The following CALCR variants were observed in gnomAD, a reference collection of about 807,000 sequenced individuals.
CALCR encodes calcitonin receptor.
A neutral mutation model predicts 59.5 loss-of-function variants in CALCR; 47 were observed. That is an observed-to-expected ratio of 0.79 (90% CI 0.63 to 1.01). The LOEUF is 1.01. Ranked by LOEUF, CALCR falls within the 50% of genes least tolerant of loss-of-function variation. CALCR has a pLI of 0.00. For missense variants in CALCR, 566 were observed against 597.1 expected (o/e 0.95, Z 0.54); for synonymous variants, 213 against 211.3 (o/e 1.01, Z -0.07).
At chr7:93,467,660 TC>T (rs1800468240) in intron 7 of CALCR, among the ~76,000 whole-genome samples, 1 of 151,592 alleles carries the variant, frequency 6.6e-6, no homozygotes, top group Non-Finnish European at 1.5e-5. Flanking sequence ...TATATTCTTC[TC>T]CCCCCTCATT....
At chr7:93,430,675 A>C (rs1799640314) in intron 13 of CALCR, among the ~76,000 whole-genome samples, 1 of 152,194 alleles carries the variant, frequency 6.6e-6, no homozygotes, top group Admixed American at 6.5e-5. Context: ...TGTCTAGAAT[A>C]GTGGTTCTTA....
chr7:93,562,140 T>C (rs527525665), intron 2 of CALCR, among the ~76,000 whole-genome samples: 1 of 151,818 alleles, frequency 6.6e-6, no homozygotes, highest in African/African-American at 2.4e-5. Context: ...TTATTAGTAA[T>C]AATAGTAATT....
intron 2 of CALCR, among the ~76,000 whole-genome samples, chr7:93,528,267 T>C (rs1245827775): frequency 2.0e-5 from 3 of 152,198 alleles, no homozygotes; most frequent in Non-Finnish European, 4.4e-5. Flanking sequence ...TTTGGAATAT[T>C]TCTGAGAAAT....
chr7:93,435,633 C>A (rs1799755713), intron 12 of CALCR, among the ~76,000 whole-genome samples: 1 of 151,746 alleles, frequency 6.6e-6, no homozygotes, highest in African/African-American at 2.4e-5. Context: ...CATGGTGAAA[C>A]CCCGTCTACT....
At chr7:93,549,688 A>G (rs1011474578) in intron 2 of CALCR, among the ~76,000 whole-genome samples, 1 of 152,238 alleles carries the variant, frequency 6.6e-6, no homozygotes, top group African/African-American at 2.4e-5. Flanking sequence ...AACCTCCTCT[A>G]TTAGGGTTTA....
chr7:93,471,128 T>C (rs1800543478), intron 6 of CALCR, among the ~76,000 whole-genome samples: 1 of 151,766 alleles, frequency 6.6e-6, no homozygotes, highest in African/African-American at 2.4e-5. Flanking sequence ...AATTATTTCA[T>C]TCTTAGATGT....
intron 7 of CALCR, among the ~76,000 whole-genome samples, chr7:93,464,149 G>A (rs573408669): frequency 6.6e-6 from 1 of 152,012 alleles, no homozygotes; most frequent in South Asian, 2.1e-4. Flanking sequence ...AGTACCCTAC[G>A]TGTGTGTGAG....
At chr7:93,487,125 A>T in intron 2 of CALCR, 118 bp from the exon 3 acceptor site, 2 of 587,420 alleles carry the variant, frequency 3.4e-6, no homozygotes, top group Non-Finnish European at 5.9e-6. Context: ...AAGACACCCT[A>T]AAAAACACAC....
At chr7:93,560,993 C>G (rs1024809787) in intron 2 of CALCR, among the ~76,000 whole-genome samples, 1 of 152,090 alleles carries the variant, frequency 6.6e-6, no homozygotes, top group Non-Finnish European at 1.5e-5. Flanking sequence ...TGTGCCATGA[C>G]CAAATTTTTT....
intron 8 of CALCR, among the ~76,000 whole-genome samples, chr7:93,457,299 C>A (rs962798686): frequency 6.6e-6 from 1 of 152,132 alleles, no homozygotes; most frequent in Non-Finnish European, 1.5e-5. Flanking sequence ...GGCTCCAGGA[C>A]AACCGCTGGG....
intron 2 of CALCR, among the ~76,000 whole-genome samples, chr7:93,500,834 A>G (rs979158774): frequency 8.6e-5 from 13 of 151,990 alleles, no homozygotes; most frequent in Admixed American, 7.9e-4. Flanking sequence ...GAACCTTATA[A>G]AAGACAAGCT....
At chr7:93,443,539 A>AG in intron 9 of CALCR, 65 bp downstream of exon 9, 1 of 1,466,786 alleles carries the variant, frequency 6.8e-7, no homozygotes, top group Non-Finnish European at 9.4e-7. Context: ...CAAGACTAGA[A>AG]GAAGACTGAA....
intron 2 of CALCR, among the ~76,000 whole-genome samples, chr7:93,553,315 A>C (rs1017004685): frequency 6.6e-6 from 1 of 152,088 alleles, no homozygotes; most frequent in Non-Finnish European, 1.5e-5. Flanking sequence ...CTGCTCAACA[A>C]GGGAAGAGCT....
intron 8 of CALCR, among the ~76,000 whole-genome samples, chr7:93,445,780 A>G (rs1056406017): frequency 2.0e-5 from 3 of 152,086 alleles, no homozygotes; most frequent in Admixed American, 2.0e-4. Context: ...CAACACACAC[A>G]TATTCTCTGT....
Position 93,566,640 on chromosome 7 carries a change from A to G in CALCR, c.-27+7649T>C, listed in dbSNP as rs11764395. The stretch of plus-strand genomic sequence containing the variant: ...CAGCTCTGCCACTCAGAGATGTATG[A>G]ACCTTGCTGGGTCCCTGTAAGTTTT... On this transcript the variant is annotated intron_variant, in intron 2 of 13. Transcript: ENST00000426151. Among the ~76,000 whole-genome samples the G allele has an allele frequency of 4.7e-4, 72 of 152,288 alleles. No homozygotes were observed. In the Middle Eastern group the frequency reaches 0.01, roughly 22 times the overall value.
At chr7:93,431,985 T>C (rs2115672237) in intron 13 of CALCR, among the ~76,000 whole-genome samples, 1 of 152,294 alleles carries the variant, frequency 6.6e-6, no homozygotes, top group African/African-American at 2.4e-5. Flanking sequence ...GTCCACTCAC[T>C]TGGAAGAGTC....
At chr7:93,502,463 G>A (rs866646181) in intron 2 of CALCR, among the ~76,000 whole-genome samples, 1 of 152,098 alleles carries the variant, frequency 6.6e-6, no homozygotes, top group Middle Eastern at 3.4e-3. Context: ...AGTTGTCAAT[G>A]ATTTTTTTCT....
intron 8 of CALCR, among the ~76,000 whole-genome samples, chr7:93,444,399 A>G (rs533125566): frequency 6.6e-6 from 1 of 152,206 alleles, no homozygotes; most frequent in Non-Finnish European, 1.5e-5. Context: ...AGTCAGATTA[A>G]TATTGTTGTC....
At chr7:93,487,127 A>G in intron 2 of CALCR, 120 bp from the exon 3 acceptor site, 1 of 583,240 alleles carries the variant, frequency 1.7e-6, no homozygotes, top group East Asian at 3.1e-5. Context: ...GACACCCTAA[A>G]AAACACACGT....
Sources: allele counts gnomAD v4.1 joint callset (sites outside exome capture counted in the v4.1 genomes callset), GRCh38; gene constraint gnomAD v4.1.1; transcripts MANE v1.5; gene names NCBI Gene and HGNC (gene_info 2026-07-23, HGNC 2026-07-21).